FHIP1A: variants seen among roughly 807,000 people sequenced by gnomAD.
FHIP1A encodes FHF complex subunit HOOK interacting protein 1A.
A neutral mutation model predicts 88.6 loss-of-function variants in FHIP1A; 61 were observed. The ratio of observed to expected loss-of-function variants is 0.69; its 90% CI spans 0.56 to 0.85. FHIP1A has a LOEUF of 0.85. Among genes scored for constraint, FHIP1A ranks in the 40% least tolerant of loss-of-function variants. The pLI, the probability that FHIP1A is intolerant of heterozygous loss-of-function variation, is 0.00. For missense variants in FHIP1A, 1,154 were observed against 1,273.5 expected (o/e 0.91, Z 1.43); for synonymous variants, 478 against 496.0 (o/e 0.96, Z 0.48).
Position 151,549,143 on chromosome 4 carries a change from G to A in FHIP1A, c.-122-16995G>A, listed in dbSNP as rs1284107459. ...TGGCAGGAAGGACAGTTAGGAACAG[G>A]TAACTAAAGGTGACTTAGGTCACAG... On this transcript the variant is annotated intron_variant, in intron 3 of 13. Transcript: ENST00000435205. 2.0e-5 allele frequency among the ~76,000 whole-genome samples: 3 copies of A among 152,146 alleles called. No homozygotes were observed. In the East Asian group the frequency reaches 5.8e-4, roughly 29 times the overall value.
chr4:151,455,178 T>G (rs146662867), intron 2 of FHIP1A, among the ~76,000 whole-genome samples: 34 of 152,336 alleles, frequency 2.2e-4, no homozygotes, highest in African/African-American at 7.2e-4. Context: ...ACACAACTTA[T>G]ATTTTTCTTC....
At position 151,669,037 on chromosome 4, in the gene FHIP1A, G is replaced by T. The variant is rs1247148442; in HGVS notation, c.*6283G>T. Reference sequence around the variant, plus strand: ...CCCTGAAGGGTGAACCAGTAGACCAGACTAAACGCACACTCATGCAAGAAT... The same window carrying T: ...CCCTGAAGGGTGAACCAGTAGACCATACTAAACGCACACTCATGCAAGAAT... On this transcript the variant is annotated 3_prime_UTR_variant, in exon 14 of 14. Coordinates refer to ENST00000435205, the MANE Select transcript of FHIP1A (RefSeq NM_001109977.3). Among the ~76,000 whole-genome samples, 1 of 152,216 alleles carries T rather than the reference G, an allele frequency of 6.6e-6. No homozygotes were observed. Among genetic ancestry groups the T allele is most frequent in the Non-Finnish European group, 1.5e-5 (1 of 68,034 alleles).
intron 3 of FHIP1A, among the ~76,000 whole-genome samples, chr4:151,556,863 A>G (rs1732965935): frequency 6.6e-6 from 1 of 152,062 alleles, no homozygotes; most frequent in Admixed American, 6.6e-5. Flanking sequence ...TTGAAGACAT[A>G]TATTATTTTT....
At chr4:151,633,605 C>T (rs925737228) in intron 8 of FHIP1A, among the ~76,000 whole-genome samples, 1 of 151,888 alleles carries the variant, frequency 6.6e-6, no homozygotes, top group African/African-American at 2.4e-5. Flanking sequence ...GATTGTATAA[C>T]ATGACCAAGT....
At chr4:151,460,677 G>C (rs528621008) in intron 2 of FHIP1A, among the ~76,000 whole-genome samples, 14 of 152,330 alleles carry the variant, frequency 9.2e-5, no homozygotes, top group African/African-American at 3.4e-4. Context: ...GTCTAGTCCT[G>C]TCAAGAACAG....
rs1736996418 is a variant in FHIP1A, at chr4:151,650,597, C to A, written c.2551+5C>A. 3 of 1,541,528 alleles carry A rather than the reference C, an allele frequency of 1.9e-6. No homozygotes were observed. Among genetic ancestry groups the A allele is most frequent in the Non-Finnish European group, 2.6e-6 (3 of 1,142,496 alleles). ...CTCAAAGCACCCCATTCACAGGTGA[C>A]CATCTTAAATTGCTTTGTGGTTTCT... is the stretch of plus-strand genomic sequence containing the variant. On this transcript the variant is annotated splice_donor_5th_base_variant and intron_variant, in intron 11 of 13. Transcript: ENST00000435205.
chr4:151,583,674 T>G lies in FHIP1A; in HGVS notation c.733-2967T>G, dbSNP rs557777668. 1.1e-4 allele frequency among the ~76,000 whole-genome samples: 16 copies of G among 152,370 alleles called. No homozygotes were observed. In the East Asian group the frequency reaches 1.9e-3, roughly 18 times the overall value. ...CAAAGTGGTTAAGAATTCAGGAGTA[T>G]GCAGAATTAAAGCCTTTGTTCTGTG... On this transcript the variant is annotated intron_variant, in intron 5 of 13. Transcript: ENST00000435205.
chr4:151,445,240 G>A (rs1728549748), intron 1 of FHIP1A, among the ~76,000 whole-genome samples: 1 of 152,122 alleles, frequency 6.6e-6, no homozygotes, highest in African/African-American at 2.4e-5. Flanking sequence ...GAGATAAATA[G>A]GGTGAGGTCT....
intron 4 of FHIP1A, among the ~76,000 whole-genome samples, chr4:151,569,299 A>G (rs1195698048): frequency 2.0e-5 from 3 of 152,196 alleles, no homozygotes; most frequent in African/African-American, 7.2e-5. Flanking sequence ...CACGCCTGTA[A>G]TCCCAGCACT....
At position 151,409,641 on chromosome 4, in the gene FHIP1A, C is replaced by T. The variant is rs564274224; in HGVS notation, c.-356+176C>T. 4.6e-5 allele frequency among the ~76,000 whole-genome samples: 7 copies of T among 151,914 alleles called. No individual in the cohort carries two copies. The East Asian group carries it at 1.4e-3, about 30-fold the overall frequency. On this transcript the variant is annotated intron_variant, in intron 1 of 13. Coordinates refer to ENST00000435205, the MANE Select transcript of FHIP1A (RefSeq NM_001109977.3). ...GGGGGCCGGCTGGGGATGTTCCAAA[C>T]GAGGTCGCTGCGTCGGGCGGGGGCG...
intron 7 of FHIP1A, among the ~76,000 whole-genome samples, chr4:151,601,545 A>G (rs1734866965): frequency 6.6e-6 from 1 of 150,634 alleles, no homozygotes; most frequent in Non-Finnish European, 1.5e-5. Flanking sequence ...TGTCCTCTGG[A>G]ACCTAAAATC....
intron 3 of FHIP1A, among the ~76,000 whole-genome samples, chr4:151,536,977 C>T (rs1425361421): frequency 6.6e-6 from 1 of 152,118 alleles, no homozygotes; most frequent in African/African-American, 2.4e-5. Flanking sequence ...CAGTCTCAAG[C>T]GATCCTCCCA....
At chr4:151,457,394 G>A (rs1427760063) in intron 2 of FHIP1A, among the ~76,000 whole-genome samples, 1 of 152,168 alleles carries the variant, frequency 6.6e-6, no homozygotes, top group Non-Finnish European at 1.5e-5. Context: ...GTAGGGAAGA[G>A]CCCTGGCCCT....
chr4:151,508,811 G>A (rs1437741797), intron 3 of FHIP1A, among the ~76,000 whole-genome samples: 2 of 152,090 alleles, frequency 1.3e-5, no homozygotes, highest in African/African-American at 4.8e-5. Flanking sequence ...TCAAAGATTG[G>A]AAAAGTCCAT....
intron 5 of FHIP1A, among the ~76,000 whole-genome samples, chr4:151,584,392 C>T (rs896937923): frequency 2.5e-4 from 38 of 152,088 alleles, no homozygotes; most frequent in Admixed American, 2.3e-3. Flanking sequence ...GGGAACAGGA[C>T]AAGGGGAAAA....
At chr4:151,538,148 A>G (rs894587783) in intron 3 of FHIP1A, among the ~76,000 whole-genome samples, 1 of 152,134 alleles carries the variant, frequency 6.6e-6, no homozygotes, top group African/African-American at 2.4e-5. Context: ...GTATAAGGAG[A>G]TGGTTGAGGG....
intron 3 of FHIP1A, among the ~76,000 whole-genome samples, chr4:151,545,991 G>A (rs1732487589): frequency 6.6e-6 from 1 of 152,226 alleles, no homozygotes; most frequent in Admixed American, 6.5e-5. Context: ...ATAGTAAAGT[G>A]TCACTTCTGG....
intron 2 of FHIP1A, among the ~76,000 whole-genome samples, chr4:151,476,161 ATTTTTTTT>A (rs564671344): frequency 3.7e-4 from 41 of 111,528 alleles, no homozygotes; most frequent in Admixed American, 7.2e-4. Flanking sequence ...TGCTCGGCCG[ATTTTTTTT>A]TTTTTTTTTT....
chr4:151,529,653 A>T (rs1158070401), intron 3 of FHIP1A, among the ~76,000 whole-genome samples: 1 of 152,182 alleles, frequency 6.6e-6, no homozygotes, highest in Non-Finnish European at 1.5e-5. Flanking sequence ...TTGGCAACAT[A>T]ACCTGTGCCC....
Sources: allele counts gnomAD v4.1 joint callset (sites outside exome capture counted in the v4.1 genomes callset), GRCh38; gene constraint gnomAD v4.1.1; transcripts MANE v1.5; gene names NCBI Gene and HGNC (gene_info 2026-07-23, HGNC 2026-07-21).